Variants in PRSS58 observed in about 807,000 individuals in gnomAD.
PRSS58 encodes serine protease 58, also known as protease, serine 58.
In PRSS58, 31 loss-of-function variants were observed where a neutral mutation model predicts 25.0. That is an observed-to-expected ratio of 1.24 (90% CI 0.93 to 1.67). PRSS58 has a LOEUF of 1.67. Ranked by LOEUF, PRSS58 falls within the 40% of genes most tolerant of loss-of-function variation. The probability of loss-of-function intolerance (pLI) is 0.00; values close to 1 mark genes in which losing one functional copy is unlikely to be tolerated. For missense variants in PRSS58, 324 were observed against 287.9 expected, an observed-to-expected ratio of 1.13 and a Z score of -0.91; for synonymous variants, 119 against 106.1, an observed-to-expected ratio of 1.12 and a Z score of -0.75.
At chr7:142,253,567 G>GA (rs1798503912) in intron 4 of PRSS58, among the ~76,000 whole-genome samples, 2 of 152,160 alleles carry the variant, frequency 1.3e-5, no homozygotes, top group Non-Finnish European at 2.9e-5. Context: ...TCTTTGGGAA[G>GA]AAGTACTGTA....
At chr7:142,253,405 G>C (rs1441723556) in intron 4 of PRSS58, among the ~76,000 whole-genome samples, 4 of 152,098 alleles carry the variant, frequency 2.6e-5, no homozygotes, top group Non-Finnish European at 5.9e-5. Flanking sequence ...GGATTTCCTG[G>C]TTCCTAATTA....
At position 142,252,230 on chromosome 7, in the gene PRSS58, T is replaced by C. The variant is rs1798477904; in HGVS notation, c.717A>G (p.Gln239=). 6.2e-7 allele frequency: 1 copy of C among 1,611,538 alleles called. No individual in the cohort carries two copies. Among genetic ancestry groups the C allele is most frequent in the Non-Finnish European group, 8.5e-7 (1 of 1,179,036 alleles). ...YYIPWIENVI[Q]NN is the part of the protein sequence containing the mutation. Reference sequence around the variant, plus strand: ...CCACAACTGCCACAGCTCAGTTATTTTGGATTACATTTTCAATCCAGGGTA... The same window carrying C: ...CCACAACTGCCACAGCTCAGTTATTCTGGATTACATTTTCAATCCAGGGTA... Residue 239 remains glutamine (Q), a synonymous_variant, in exon 6 of 6, where the codon CAA becomes CAG. Transcript: ENST00000547058.
chr7:142,253,861 C>T (rs1798510306), intron 4 of PRSS58, among the ~76,000 whole-genome samples: 1 of 152,070 alleles, frequency 6.6e-6, no homozygotes, highest in Non-Finnish European at 1.5e-5. Flanking sequence ...CACAGAAGGA[C>T]ATTTGGCTCT....
In PRSS58 at chr7:142,252,257, A is replaced by T; in HGVS notation, c.690T>A (p.Tyr230Ter). 1 of 1,614,008 alleles carries T rather than the reference A, an allele frequency of 6.2e-7. No homozygotes were observed. The highest frequency in any genetic ancestry group is 2.2e-5 in the East Asian group (1 of 44,878). Residue 230 changes from tyrosine to a stop codon, truncating the protein, a stop_gained, in exon 6 of 6, where the codon TAT becomes TAA. Transcript: ENST00000547058. LOFTEE classifies it high-confidence loss of function. ...GGATTACATTTTCAATCCAGGGTATATAGTAAAAAATTTTGGCATAGATGC... is the reference window on the plus strand; with the variant it reads ...GGATTACATTTTCAATCCAGGGTATTTAGTAAAAAATTTTGGCATAGATGC... ...DVGIYAKIFYYIPWIENVIQN... is the reference protein window; with the variant it reads ...DVGIYAKIFY
Position 142,257,692 on chromosome 7 carries a change from G to C in PRSS58, c.16C>G (p.Leu6Val), listed in dbSNP as rs779437834. MKFIL[L>V]WALLNLTVAL... ...CCAGTCAGATTCAAGAGAGCCCAGA[G>C]GAGGATAAACTTCATGATGATGTTG... The change falls in exon 2 of 6, where the codon CTC becomes GTC. Residue 6 changes from leucine to valine, a missense_variant. Leu to Val is a conservative substitution (Grantham distance 32, BLOSUM62 1). Transcript: ENST00000547058. 43 of 1,613,090 alleles carry C rather than the reference G, an allele frequency of 2.7e-5. No individual in the cohort carries two copies. The highest frequency in any genetic ancestry group is 3.5e-5 in the Non-Finnish European group (41 of 1,179,288).
In PRSS58 at chr7:142,255,303, C is replaced by T. The variant is rs138718517; in HGVS notation, c.188G>A (p.Arg63Gln). The T allele has an allele frequency of 7.4e-6, 12 of 1,613,462 alleles. No homozygotes were observed. The highest frequency in any genetic ancestry group is 3.3e-5 in the Admixed American group (2 of 59,988). ...TAAHCNLPKL[R>Q]VILGVTIPAD... ...TGGGATTGTAACCCCCAATATCACC[C>T]GAAGCTTTCTGGAACAATATAGACG... The change falls in exon 4 of 6, where the codon CGG (arginine) becomes CAG (glutamine). Residue 63 changes from arginine to glutamine, a missense_variant. Transcript: ENST00000547058.
intron 2 of PRSS58, among the ~76,000 whole-genome samples, chr7:142,257,255 A>G (rs1048556183): frequency 6.6e-6 from 1 of 152,324 alleles, no homozygotes. Context: ...TTTTTCTAAG[A>G]GATCAAACGT....
At position 142,255,612 on chromosome 7, in the gene PRSS58, C is replaced by G; in HGVS notation, c.102G>C (p.Leu34Phe). The G allele has an allele frequency of 1.2e-6, 2 of 1,614,032 alleles. No homozygotes were observed. Among genetic ancestry groups the G allele is most frequent in the Non-Finnish European group, 1.7e-6 (2 of 1,179,954 alleles). ...VSSTPPYLVY[L>F]KSDYLPCAGV... ...CAGCGCAGGGCAAGTAGTCAGATTT[C>G]AAATAGACCAAGTAAGGGGGAGTGG... Residue 34 changes from leucine (L) to phenylalanine (F), a missense_variant, in exon 3 of 6, where the codon TTG (leucine) becomes TTC (phenylalanine). Coordinates refer to ENST00000547058, the MANE Select transcript of PRSS58 (RefSeq NM_001001317.5).
At chr7:142,257,119 G>A in intron 2 of PRSS58, among the ~76,000 whole-genome samples, 1 of 152,184 alleles carries the variant, frequency 6.6e-6, no homozygotes, top group Non-Finnish European at 1.5e-5. Context: ...AAGTATAGAG[G>A]TAGAGGGGTC....
At chr7:142,255,370 G>A in intron 3 of PRSS58, 59 bp from the exon 4 acceptor site, 6 of 1,590,098 alleles carry the variant, frequency 3.8e-6, no homozygotes, top group South Asian at 2.3e-5. Flanking sequence ...CCATCATTAT[G>A]AGCCTCTATT....
intron 3 of PRSS58, 105 bp downstream of exon 3, chr7:142,255,430 T>C (rs4470937): frequency 0.66 from 1,051,302 of 1,587,622 alleles, 353,786 homozygotes; most frequent in East Asian, 0.98. Context: ...TCCCAAAGGC[T>C]TTTCTAATCC....
In PRSS58 at chr7:142,258,005, A is replaced by G. The variant is rs1798586657; in HGVS notation, c.-56T>C. 2.6e-6 allele frequency: 1 copy of G among 384,962 alleles called. No individual in the cohort carries two copies. Among genetic ancestry groups the G allele is most frequent in the African/African-American group, 2.0e-5 (1 of 49,060 alleles). 23.8% of individuals were successfully genotyped at this position (384,962 alleles called of 1,614,324 possible). On this transcript the variant is annotated 5_prime_UTR_variant, in exon 1 of 6. Coordinates refer to ENST00000547058, the MANE Select transcript of PRSS58 (RefSeq NM_001001317.5). ...GAAGAAAGTACCAAAGCTAAGTTGA[A>G]GTTCATGATATCTCTACAGACGCCT...
Position 142,257,611 on chromosome 7 carries a change from A to G in PRSS58, c.40+57T>C, listed in dbSNP as rs936742975. ...TGCCTCTCGCTGTTACCCGTCTTTC[A>G]TGCTTTTCCCAGGATTTCTCTTTGG... On this transcript the variant is annotated intron_variant, in intron 2 of 5. Transcript: ENST00000547058. 3.4e-6 allele frequency: 5 copies of G among 1,467,818 alleles called. No homozygotes were observed. In the South Asian group the frequency reaches 4.6e-5, roughly 13 times the overall value. The allele number at this position is 1,467,818 out of a possible 1,614,324, so 90.9% of individuals were successfully genotyped here.
chr7:142,257,238 G>A (rs190852825), intron 2 of PRSS58, among the ~76,000 whole-genome samples: 1 of 152,286 alleles, frequency 6.6e-6, no homozygotes, highest in Admixed American at 6.5e-5. Flanking sequence ...AGAAGACAAA[G>A]CCAACATTTT....
intron 2 of PRSS58, among the ~76,000 whole-genome samples, chr7:142,256,151 T>C (rs1255614960): frequency 6.6e-6 from 1 of 152,206 alleles, no homozygotes; most frequent in Admixed American, 6.5e-5. Context: ...TAATGTATTG[T>C]TTTACCAAAT....
At chr7:142,255,825 G>A in intron 2 of PRSS58, 152 bp from the exon 3 acceptor site, 1 of 601,172 alleles carries the variant, frequency 1.7e-6, no homozygotes, top group Non-Finnish European at 2.8e-6. Context: ...AAAACACGAA[G>A]AAAAGACAAA....
chr7:142,255,477 G>C (rs181719541), intron 3 of PRSS58, 58 bp downstream of exon 3: 1 of 1,609,436 alleles, frequency 6.2e-7, no homozygotes, highest in Non-Finnish European at 8.5e-7. Flanking sequence ...AGGGGTGAGA[G>C]TCTGTGCCCA....
rs747132754 is a variant in PRSS58 at position 142,252,483 on chromosome 7, G to T, written c.565C>A (p.Gln189Lys). The change falls in exon 5 of 6, where the codon CAG (glutamine) becomes AAG (lysine). Residue 189 changes from glutamine to lysine, a missense_variant. By Grantham distance (53) the Gln-to-Lys change is moderately conservative. Coordinates refer to ENST00000547058, the MANE Select transcript of PRSS58 (RefSeq NM_001001317.5). ...LCVGIVPGRR[Q>K]PCKEVSAAPA... is the part of the protein sequence containing the mutation. The stretch of plus-strand genomic sequence containing the variant: ...GAAGAGTATTTTACCTTGCAGGGCT[G>T]CCTCCTTCCTGGCACAATGCCCACA... 3 of 1,613,790 alleles carry T rather than the reference G, an allele frequency of 1.9e-6. No homozygotes were observed. The African/African-American group carries it at 4.0e-5, about 22-fold the overall frequency.
rs1563316500 is a variant in PRSS58, at chr7:142,252,545, G to C, written c.503C>G (p.Ala168Gly). ...TTCCGTGATGTTGTAGGTTTTATAG[G>C]CATCGCGACACTGAGGCTTGGAGAT... is the stretch of plus-strand genomic sequence containing the variant. ...SVISKPQCRD[A>G]YKTYNITENM... The change falls in exon 5 of 6, where the codon GCC becomes GGC. Residue 168 changes from alanine (A) to glycine (G), a missense_variant. Ala to Gly is a moderately conservative substitution (Grantham distance 60). Transcript: ENST00000547058. 1 of 1,614,186 alleles carries C rather than the reference G, an allele frequency of 6.2e-7. No homozygotes were observed. Among genetic ancestry groups the C allele is most frequent in the Non-Finnish European group, 8.5e-7 (1 of 1,180,024 alleles).
Sources: allele counts gnomAD v4.1 joint callset (sites outside exome capture counted in the v4.1 genomes callset), GRCh38; gene constraint gnomAD v4.1.1; transcripts MANE v1.5; gene names NCBI Gene and HGNC (gene_info 2026-07-23, HGNC 2026-07-21).